The following TNKS variants were observed in gnomAD, a reference collection of about 807,000 sequenced individuals.
TNKS encodes poly [ADP-ribose] polymerase tankyrase-1.
TNKS carries 72 observed loss-of-function variants against 135.8 expected under a neutral mutation model. The observed-to-expected ratio is 0.53, with a 90% CI of 0.44 to 0.64. TNKS has a LOEUF of 0.64. Ranked by LOEUF, TNKS falls within the 30% of genes least tolerant of loss-of-function variation. The probability of loss-of-function intolerance (pLI) is 0.00; values close to 1 mark genes in which losing one functional copy is unlikely to be tolerated. For synonymous variants in TNKS, 849 were observed against 649.3 expected (o/e 1.31, Z -4.68); for missense variants, 1,769 against 1,674.0 (o/e 1.06, Z -0.99).
chr8:9,717,101 A>AATATATATTTTTTTTTTTTTTTTTTTT (rs1804650481), intron 11 of TNKS, among the ~76,000 whole-genome samples: 4 of 119,336 alleles, frequency 3.4e-5, no homozygotes, highest in African/African-American at 1.2e-4. Flanking sequence ...ATATATATAT[A>AATATATATTTTTTTTTTTTTTTTTTTT]TTTTCAGGGA....
intron 8 of TNKS, among the ~76,000 whole-genome samples, chr8:9,707,618 T>C (rs1804111280): frequency 1.3e-5 from 2 of 152,226 alleles, no homozygotes; most frequent in Non-Finnish European, 2.9e-5. Context: ...AATATATACA[T>C]GCAAATGTTT....
chr8:9,744,983 A>G (rs1016512106), intron 17 of TNKS, among the ~76,000 whole-genome samples: 3 of 152,356 alleles, frequency 2.0e-5, no homozygotes, highest in East Asian at 3.9e-4. Flanking sequence ...GACTTTTTGT[A>G]ATTTTGGAAG....
intron 1 of TNKS, among the ~76,000 whole-genome samples, chr8:9,574,252 A>G (rs528142161): frequency 6.6e-6 from 1 of 152,340 alleles, no homozygotes; most frequent in Non-Finnish European, 1.5e-5. Flanking sequence ...GTTGTTGCAG[A>G]AAAGCAGTTC....
At chr8:9,585,647 A>G (rs1798348520) in intron 2 of TNKS, among the ~76,000 whole-genome samples, 1 of 152,208 alleles carries the variant, frequency 6.6e-6, no homozygotes. Context: ...TTCCTTGATA[A>G]AGAACAGTTC....
At chr8:9,651,729 G>A (rs1801155868) in intron 3 of TNKS, among the ~76,000 whole-genome samples, 1 of 152,172 alleles carries the variant, frequency 6.6e-6, no homozygotes, top group Admixed American at 6.6e-5. Flanking sequence ...TCTAGCTGTG[G>A]TATGGGCTTG....
intron 2 of TNKS, among the ~76,000 whole-genome samples, chr8:9,612,180 T>C (rs762127128): frequency 1.1e-4 from 16 of 152,168 alleles, no homozygotes; most frequent in African/African-American, 1.9e-4. Flanking sequence ...CTTCTCAAAT[T>C]GTCTATGGTA....
chr8:9,757,136 C>A lies in TNKS; in HGVS notation c.3154-4380C>A, dbSNP rs187585744. Among the ~76,000 whole-genome samples, 52 of 152,194 alleles carry A rather than the reference C, an allele frequency of 3.4e-4. 1 individual carries two copies. The East Asian group carries it at 7.9e-3, about 23-fold the overall frequency. On this transcript the variant is annotated intron_variant, in intron 20 of 26. Coordinates refer to ENST00000310430, the MANE Select transcript of TNKS (RefSeq NM_003747.3). ...GGATTACAGGCATAGGCCACCATAC[C>A]CGGCTAATTTTTGTATTTTTAGTAG...
intron 5 of TNKS, among the ~76,000 whole-genome samples, chr8:9,703,104 G>A (rs1301295135): frequency 1.3e-5 from 2 of 152,148 alleles, no homozygotes; most frequent in Non-Finnish European, 2.9e-5. Context: ...GGGAGATAAC[G>A]TTTCAGGAGC....
chr8:9,757,156 T>C (rs142681486), intron 20 of TNKS, among the ~76,000 whole-genome samples: 2,031 of 152,222 alleles, frequency 0.013, 33 homozygotes, highest in South Asian at 0.066. Flanking sequence ...TTTGTATTTT[T>C]AGTAGAGATG....
At chr8:9,580,561 A>G (rs1453568515) in intron 2 of TNKS, among the ~76,000 whole-genome samples, 178 bp downstream of exon 2, 1 of 152,166 alleles carries the variant, frequency 6.6e-6, no homozygotes, top group Non-Finnish European at 1.5e-5. Context: ...TTAGGGGAAG[A>G]CTCACAACAT....
intron 2 of TNKS, among the ~76,000 whole-genome samples, chr8:9,599,876 G>T (rs1798945855): frequency 6.6e-6 from 1 of 151,952 alleles, no homozygotes; most frequent in South Asian, 2.1e-4. Flanking sequence ...TTTTATTATT[G>T]TAAAATTTCA....
At chr8:9,633,234 C>G (rs974638518) in intron 3 of TNKS, among the ~76,000 whole-genome samples, 18 of 152,116 alleles carry the variant, frequency 1.2e-4, no homozygotes, top group Non-Finnish European at 1.3e-4. Context: ...ACTGGATTTT[C>G]TAAGTTTACG....
At chr8:9,744,584 G>C (rs950575712) in intron 17 of TNKS, among the ~76,000 whole-genome samples, 1 of 152,216 alleles carries the variant, frequency 6.6e-6, no homozygotes, top group Middle Eastern at 3.4e-3. Flanking sequence ...AGGTTAAATT[G>C]TCTGTTTCTC....
intron 5 of TNKS, among the ~76,000 whole-genome samples, chr8:9,697,375 C>G (rs561098389): frequency 1.3e-5 from 2 of 152,098 alleles, no homozygotes; most frequent in African/African-American, 2.4e-5. Context: ...AAATACCATC[C>G]TCAGCATCAG....
intron 2 of TNKS, among the ~76,000 whole-genome samples, chr8:9,601,336 A>G (rs1585216436): frequency 6.6e-6 from 1 of 152,308 alleles, no homozygotes; most frequent in South Asian, 2.1e-4. Context: ...TGAATTTAAC[A>G]TGTATTATTG....
intron 3 of TNKS, among the ~76,000 whole-genome samples, chr8:9,677,265 C>G (rs931841096): frequency 3.3e-5 from 5 of 152,182 alleles, no homozygotes; most frequent in African/African-American, 4.8e-5. Flanking sequence ...CTGTGTCTGA[C>G]TCTGTTGGAT....
chr8:9,752,596 A>G lies in TNKS; in HGVS notation c.3123A>G (p.Glu1041=), dbSNP rs144586907. Residue 1041 remains glutamate, a synonymous_variant, in exon 20 of 27, where the codon GAA becomes GAG. Transcript: ENST00000310430. ...ISQFLKSLGL[E]HLRDIFETEQ... ...AATTTCTAAAAAGCCTTGGCCTTGAACACCTTCGGGATATCTTTGAAACAG... is the reference window on the plus strand; with the variant it reads ...AATTTCTAAAAAGCCTTGGCCTTGAGCACCTTCGGGATATCTTTGAAACAG... 9 of 1,613,048 alleles carry G rather than the reference A, an allele frequency of 5.6e-6. No individual in the cohort carries two copies. The African/African-American group carries it at 1.2e-4, about 22-fold the overall frequency.
intron 3 of TNKS, among the ~76,000 whole-genome samples, chr8:9,647,688 G>T (rs577162152): frequency 5.9e-5 from 9 of 152,106 alleles, no homozygotes; most frequent in Non-Finnish European, 1.3e-4. Flanking sequence ...TGTGACTTGT[G>T]CCCCTTGAAG....
intron 1 of TNKS, among the ~76,000 whole-genome samples, chr8:9,560,493 CTTTTTTTTTTT>C (rs535715245): frequency 0.2 from 8,350 of 41,950 alleles, 182 homozygotes; most frequent in Admixed American, 0.33. Context: ...CCATACTTGT[CTTTTTTTTTTT>C]TTTTTTTTTT....
Sources: gnomAD v4.1 joint callset for allele counts (sites outside exome capture counted in the v4.1 genomes callset) on GRCh38, gnomAD v4.1.1 for gene constraint, MANE v1.5 for transcripts, NCBI Gene and HGNC (gene_info 2026-07-23, HGNC 2026-07-21) for gene names.